HHIP: variants seen among roughly 807,000 people sequenced by gnomAD.
HHIP encodes the protein hedgehog-interacting protein.
A neutral mutation model predicts 74.0 loss-of-function variants in HHIP; 12 were observed. That is an observed-to-expected ratio of 0.16 (90% CI 0.10 to 0.26). HHIP has a LOEUF of 0.26. Ranked by LOEUF, HHIP falls within the 10% of genes least tolerant of loss-of-function variation. HHIP has a pLI of 1.00. For missense variants in HHIP, 788 were observed against 845.0 expected (o/e 0.93, Z 0.84); for synonymous variants, 309 against 311.6 (o/e 0.99, Z 0.09).
chr4:144,713,434 AT>A (rs1730356313), intron 8 of HHIP, among the ~76,000 whole-genome samples: 1 of 152,168 alleles, frequency 6.6e-6, no homozygotes, highest in African/African-American at 2.4e-5. Context: ...AAAAATTACT[AT>A]CTTTTCACAA....
chr4:144,714,367 C>G lies in HHIP; in HGVS notation c.1547+19C>G. On this transcript the variant is annotated intron_variant, in intron 9 of 12. Coordinates refer to ENST00000296575, the MANE Select transcript of HHIP (RefSeq NM_022475.3). Reference sequence around the variant, plus strand: ...GTAATGGGTAGGTTTCCTGATACCACAACAGTATGATATACCAAATGACAT... The same window carrying G: ...GTAATGGGTAGGTTTCCTGATACCAGAACAGTATGATATACCAAATGACAT... The G allele has an allele frequency of 2.5e-6, 4 of 1,612,152 alleles. No homozygotes were observed. Among genetic ancestry groups the G allele is most frequent in the Non-Finnish European group, 3.4e-6 (4 of 1,178,632 alleles).
Position 144,734,809 on chromosome 4 carries a change from G to A in HHIP, c.1829G>A (p.Arg610Lys). The A allele has an allele frequency of 6.2e-7, 1 of 1,613,130 alleles. No homozygotes were observed. Among genetic ancestry groups the A allele is most frequent in the South Asian group, 1.1e-5 (1 of 90,986 alleles). The change falls in exon 12 of 13, where the codon AGG becomes AAG. Residue 610 changes from arginine (R) to lysine (K), a missense_variant. By Grantham distance (26) the Arg-to-Lys change is conservative. Around this residue, in one of 3 missense-constraint regions of HHIP, gnomAD observed 343 missense variants for 347.9 expected, o/e 0.99. Transcript: ENST00000296575. The stretch of plus-strand genomic sequence containing the variant: ...CAGACACTGACTTCAGAGTGCTCCA[G>A]GCTCTGTCGAAACGGCTACTGCACC... ...PAQTLTSECS[R>K]LCRNGYCTPT... is the part of the protein sequence containing the mutation.
chr4:144,646,668 G>A lies in HHIP; in HGVS notation c.-8G>A. 1.2e-6 allele frequency: 2 copies of A among 1,613,264 alleles called. No homozygotes were observed. The highest frequency in any genetic ancestry group is 1.7e-6 in the Non-Finnish European group (2 of 1,179,488). On this transcript the variant is annotated 5_prime_UTR_variant, in exon 1 of 13. The change creates a premature stop within an existing upstream ORF in the 5' untranslated region. Coordinates refer to ENST00000296575, the MANE Select transcript of HHIP (RefSeq NM_022475.3). ...CCCGCGCCCAGCCCCTGCTGCTCTG[G>A]GCAGACGATGCTGAAGATGCTCTCC...
intron 4 of HHIP, among the ~76,000 whole-genome samples, chr4:144,696,380 A>G (rs1020752799): frequency 6.6e-6 from 1 of 151,886 alleles, no homozygotes; most frequent in African/African-American, 2.4e-5. Context: ...TATATCCCAC[A>G]TAAGTTAAAA....
intron 11 of HHIP, among the ~76,000 whole-genome samples, chr4:144,729,378 GTTGGAAGATTTCAGAGCATTCTGTAC>G (rs1459604377): frequency 2.6e-5 from 4 of 152,124 alleles, no homozygotes; most frequent in Admixed American, 2.6e-4. Context: ...ACTCCACCCA[GTTGGAAGATTTCAGAGCATTCTGTAC>G]TTGGAAGTGC....
intron 4 of HHIP, among the ~76,000 whole-genome samples, chr4:144,662,875 T>G (rs895898262): frequency 1.3e-5 from 2 of 152,214 alleles, no homozygotes; most frequent in African/African-American, 2.4e-5. Flanking sequence ...TCAGAGCTTC[T>G]GGCAAGTGCT....
chr4:144,670,764 G>GA (rs1167213848), intron 4 of HHIP, among the ~76,000 whole-genome samples: 1,164 of 54,636 alleles, frequency 0.021, 11 homozygotes, highest in East Asian at 0.029. Context: ...CTTAAGATTT[G>GA]AAAAAAAAAA....
Position 144,734,784 on chromosome 4 carries a change from C to A in HHIP, c.1804C>A (p.Gln602Lys), listed in dbSNP as rs879782861. Residue 602 changes from glutamine (Q) to lysine (K), a missense_variant, in exon 12 of 13, where the codon CAG becomes AAG. Around this residue, in one of 3 missense-constraint regions of HHIP, gnomAD observed 343 missense variants for 347.9 expected, o/e 0.99. Coordinates refer to ENST00000296575, the MANE Select transcript of HHIP (RefSeq NM_022475.3). Reference protein sequence around the residue: ...EECRATVQPAQTLTSECSRLC... With the variant: ...EECRATVQPAKTLTSECSRLC... The stretch of plus-strand genomic sequence containing the variant: ...ATGCAGAGCCACGGTACAACCTGCA[C>A]AGACACTGACTTCAGAGTGCTCCAG... 6.2e-7 allele frequency: 1 copy of A among 1,611,408 alleles called. No homozygotes were observed. The highest frequency in any genetic ancestry group is 2.2e-5 in the East Asian group (1 of 44,842).
intron 4 of HHIP, among the ~76,000 whole-genome samples, chr4:144,678,088 A>G (rs1044264154): frequency 2.0e-5 from 3 of 152,170 alleles, no homozygotes; most frequent in African/African-American, 7.2e-5. Flanking sequence ...TATACAACCT[A>G]TAGTCCCATC....
intron 2 of HHIP, 48 bp downstream of exon 2, chr4:144,652,845 T>C: frequency 2.4e-6 from 3 of 1,230,004 alleles, no homozygotes; most frequent in Non-Finnish European, 3.4e-6. Flanking sequence ...CACAATATCC[T>C]TGTAAGATAC....
Position 144,714,360 on chromosome 4 carries a change from GATACCACAACAGTATGAT to G in HHIP, c.1547+19_1547+36del, listed in dbSNP as rs1410173762. 1 of 1,612,734 alleles carries G rather than the reference GATACCACAACAGTATGAT, an allele frequency of 6.2e-7. No individual in the cohort carries two copies. Among genetic ancestry groups the G allele is most frequent in the African/African-American group, 1.3e-5 (1 of 74,834 alleles). On this transcript the variant is annotated intron_variant, in intron 9 of 12. Coordinates refer to ENST00000296575, the MANE Select transcript of HHIP (RefSeq NM_022475.3). ...GGAGATCGTAATGGGTAGGTTTCCT[GATACCACAACAGTATGAT>G]ATACCAAATGACATATCCATTAATC...
chr4:144,698,013 C>T (rs1022425279), intron 4 of HHIP, among the ~76,000 whole-genome samples: 3 of 152,190 alleles, frequency 2.0e-5, no homozygotes, highest in African/African-American at 7.2e-5. Flanking sequence ...TTTTATTCTT[C>T]CATTTGCACT....
At position 144,708,223 on chromosome 4, in the gene HHIP, C is replaced by A. The variant is rs139650153; in HGVS notation, c.1213C>A (p.Pro405Thr). 1.6e-4 allele frequency: 266 copies of A among 1,613,942 alleles called. No homozygotes were observed. The highest frequency in any genetic ancestry group is 5.7e-4 in the Admixed American group (34 of 59,998). The change falls in exon 7 of 13, where the codon CCT (proline) becomes ACT (threonine). Residue 405 changes from proline (P) to threonine (T), a missense_variant. By Grantham distance (38) the Pro-to-Thr change is conservative (BLOSUM62 -1). This residue lies in a region of HHIP where 72 missense variants were observed against 130.6 expected (regional missense o/e 0.55). Coordinates refer to ENST00000296575, the MANE Select transcript of HHIP (RefSeq NM_022475.3). ...LDVDTDMCNV[P>T]YSIPRSNPHF... Reference sequence around the variant, plus strand: ...TGTGGACACAGACATGTGCAACGTGCCTTATTCCATACCAAGGAGCAACCC... The same window carrying A: ...TGTGGACACAGACATGTGCAACGTGACTTATTCCATACCAAGGAGCAACCC...
chr4:144,735,304 C>T (rs1731083770), intron 12 of HHIP, among the ~76,000 whole-genome samples: 1 of 152,166 alleles, frequency 6.6e-6, no homozygotes, highest in Admixed American at 6.5e-5. Flanking sequence ...TTACTGCTTG[C>T]TTTCCTACCA....
At chr4:144,670,717 A>C (rs1185725859) in intron 4 of HHIP, among the ~76,000 whole-genome samples, 17 of 150,036 alleles carry the variant, frequency 1.1e-4, no homozygotes, top group African/African-American at 3.9e-4. Flanking sequence ...GAAAAAAAAA[A>C]AAAACAAACA....
chr4:144,720,128 A>G (rs1730589301), intron 11 of HHIP, among the ~76,000 whole-genome samples: 1 of 152,212 alleles, frequency 6.6e-6, no homozygotes, highest in Admixed American at 6.5e-5. Context: ...CTTTCACAGT[A>G]AGATAAATAC....
intron 4 of HHIP, among the ~76,000 whole-genome samples, chr4:144,702,983 G>A (rs931265632): frequency 3.3e-5 from 5 of 152,146 alleles, no homozygotes; most frequent in South Asian, 2.1e-4. Flanking sequence ...TTGGGAGGCC[G>A]AGGAGGGCGG....
intron 5 of HHIP, 22 bp from the exon 6 acceptor site, chr4:144,707,065 T>C (rs369679749): frequency 2.1e-5 from 34 of 1,606,974 alleles, no homozygotes; most frequent in Non-Finnish European, 2.3e-5. Flanking sequence ...AGTCATGGTA[T>C]TGTTTTCTTC....
intron 10 of HHIP, among the ~76,000 whole-genome samples, chr4:144,716,062 GA>G (rs1560717691): frequency 6.6e-6 from 1 of 152,144 alleles, no homozygotes; most frequent in African/African-American, 2.4e-5. Flanking sequence ...TATGATCAGT[GA>G]GTAAAAATTT....
Sources: gnomAD v4.1 joint callset for allele counts (sites outside exome capture counted in the v4.1 genomes callset) on GRCh38, gnomAD v4.1.1 for gene constraint, gnomAD v4.1.1 regional missense constraint, MANE v1.5 for transcripts, NCBI Gene and HGNC (gene_info 2026-07-23, HGNC 2026-07-21) for gene names.